The following IL7 variants were observed in gnomAD, a reference collection of about 807,000 sequenced individuals.
IL7 encodes interleukin 7, also known as interleukin-7.
In IL7, 3 loss-of-function variants were observed where a neutral mutation model predicts 21.6. That is an observed-to-expected ratio of 0.14 (90% CI 0.06 to 0.36). The LOEUF is 0.36. Among genes scored for constraint, IL7 ranks in the 10% least tolerant of loss-of-function variants. The pLI is 1.00. For synonymous variants in IL7, 62 were observed against 68.1 expected (o/e 0.91, Z 0.44); for missense variants, 175 against 200.2 (o/e 0.87, Z 0.76).
intron 3 of IL7, among the ~76,000 whole-genome samples, chr8:78,739,095 T>A (rs777356052): frequency 3.3e-4 from 50 of 152,134 alleles, no homozygotes; most frequent in South Asian, 1.9e-3. Context: ...AAAACATAAG[T>A]TTTGCAGATA....
intron 2 of IL7, among the ~76,000 whole-genome samples, chr8:78,759,223 T>TC (rs936407858): frequency 6.6e-6 from 1 of 151,424 alleles, no homozygotes; most frequent in African/African-American, 2.4e-5. Flanking sequence ...GTTCTTTTTT[T>TC]TTTTTAGCTT....
At chr8:78,788,540 T>G (rs1813585986) in intron 2 of IL7, among the ~76,000 whole-genome samples, 1 of 152,212 alleles carries the variant, frequency 6.6e-6, no homozygotes, top group Non-Finnish European at 1.5e-5. Flanking sequence ...CCACCTATTT[T>G]TCTTATTTTA....
chr8:78,722,117 T>TA (rs1419763217), intron 3 of IL7, among the ~76,000 whole-genome samples: 3 of 152,030 alleles, frequency 2.0e-5, no homozygotes, highest in African/African-American at 7.2e-5. Context: ...ATATTTTGTA[T>TA]ATTGTCAATT....
At chr8:78,802,907 A>T (rs1814129537) in intron 1 of IL7, among the ~76,000 whole-genome samples, 1 of 152,154 alleles carries the variant, frequency 6.6e-6, no homozygotes, top group East Asian at 1.9e-4. Context: ...GAACCTCACT[A>T]AGGTACTTCC....
chr8:78,677,354 TA>T (rs34753315), intron 4 of IL7, among the ~76,000 whole-genome samples: 23,945 of 148,154 alleles, frequency 0.16, 2,055 homozygotes, highest in Middle Eastern at 0.3. Context: ...GACAACTCTT[TA>T]AAAAAAAAAA....
At chr8:78,769,846 A>T (rs184986699) in intron 2 of IL7, among the ~76,000 whole-genome samples, 417 of 152,290 alleles carry the variant, frequency 2.7e-3, no homozygotes, top group Non-Finnish European at 4.3e-3. Flanking sequence ...GATATAGACC[A>T]ATGGAACAGA....
chr8:78,756,446 C>T (rs1812351963), intron 2 of IL7, among the ~76,000 whole-genome samples: 1 of 151,818 alleles, frequency 6.6e-6, no homozygotes, highest in African/African-American at 2.4e-5. Context: ...CCATCTGGTC[C>T]TGGGCTTTTC....
At chr8:78,682,731 A>C (rs2369442) in intron 4 of IL7, among the ~76,000 whole-genome samples, 104,239 of 152,014 alleles carry the variant, frequency 0.69, 36,585 homozygotes, top group East Asian at 0.91. Context: ...ACAGTCCCCC[A>C]AAGTCTTAAC....
Position 78,740,075 on chromosome 8 carries a change from A to G in IL7, c.155T>C (p.Met52Thr), listed in dbSNP as rs760588297. 17 of 1,516,686 alleles carry G rather than the reference A, an allele frequency of 1.1e-5. No homozygotes were observed. In the Admixed American group the frequency reaches 2.0e-4, roughly 18 times the overall value. 94.0% of individuals were successfully genotyped at this position (1,516,686 alleles called of 1,614,324 possible). A position where few individuals can be genotyped will look rare whatever the true frequency, so the allele number is the denominator to read the frequency against. ...CAGGCAATTGCTACCAATTTCTTTC[A>G]TGCTGTCCTGTAATAAATAACATAA... is the stretch of plus-strand genomic sequence containing the variant. ...MVSIDQLLDS[M>T]KEIGSNCLNN... Residue 52 changes from methionine (M) to threonine (T), a missense_variant, in exon 3 of 6, where the codon ATG becomes ACG. Physicochemically the swap from Met to Thr is moderately conservative, Grantham distance 81. Coordinates refer to ENST00000263851, the MANE Select transcript of IL7 (RefSeq NM_000880.4).
chr8:78,690,431 G>A (rs1420803060), intron 3 of IL7, among the ~76,000 whole-genome samples: 1 of 151,956 alleles, frequency 6.6e-6, no homozygotes, highest in Admixed American at 6.6e-5. Context: ...GTGGTGGCGG[G>A]CGCCTGTAGT....
downstream of IL7, among the ~76,000 whole-genome samples, chr8:78,728,146 A>G (rs535587666): frequency 2.0e-5 from 3 of 152,106 alleles, no homozygotes; most frequent in Non-Finnish European, 4.4e-5. Context: ...AGAGAAATAT[A>G]CCATGTTCCT....
rs753704751 is a variant in IL7, at chr8:78,675,852, C to G, written n.526G>C. ...CAAGATTTGTGGAAGAACATTCTTT[C>G]CAGTAGCATTAGTGAGTAGACTGAT... On this transcript the variant is annotated non_coding_transcript_exon_variant, in exon 5 of 5. Transcript: ENST00000523959. The G allele has an allele frequency of 3.0e-5, 48 of 1,610,790 alleles. No homozygotes were observed. The highest frequency in any genetic ancestry group is 4.1e-5 in the Non-Finnish European group (48 of 1,177,918).
At chr8:78,784,801 T>C (rs547788052) in intron 2 of IL7, among the ~76,000 whole-genome samples, 2 of 152,270 alleles carry the variant, frequency 1.3e-5, no homozygotes, top group Non-Finnish European at 2.9e-5. Flanking sequence ...GTGCTATCAA[T>C]TGACCTTTTA....
intron 1 of IL7, among the ~76,000 whole-genome samples, chr8:78,804,447 C>G (rs1170224707): frequency 6.6e-6 from 1 of 152,168 alleles, no homozygotes; most frequent in Non-Finnish European, 1.5e-5. Context: ...GGTTTAAAAG[C>G]GCGTCCCGTG....
chr8:78,788,105 CT>C (rs775969383), intron 2 of IL7, among the ~76,000 whole-genome samples: 1 of 152,090 alleles, frequency 6.6e-6, no homozygotes, highest in Non-Finnish European at 1.5e-5. Flanking sequence ...TGATGGCTCT[CT>C]TTTCACTTCT....
intron 3 of IL7, among the ~76,000 whole-genome samples, chr8:78,703,561 G>A (rs995080701): frequency 1.7e-5 from 2 of 119,276 alleles, no homozygotes; most frequent in East Asian, 2.5e-4. Context: ...TTAAATCTTT[G>A]TTGGTTTAAA....
At chr8:78,785,453 C>T (rs936755294) in intron 2 of IL7, among the ~76,000 whole-genome samples, 1 of 152,116 alleles carries the variant, frequency 6.6e-6, no homozygotes. Flanking sequence ...TTGTTGCTAA[C>T]ACTTTTGTCA....
At chr8:78,769,821 T>G (rs1165713583) in intron 2 of IL7, among the ~76,000 whole-genome samples, 1 of 152,132 alleles carries the variant, frequency 6.6e-6, no homozygotes, top group African/African-American at 2.4e-5. Flanking sequence ...AACATGATAC[T>G]GGTACCAAAA....
chr8:78,800,455 C>A (rs1814016660), intron 1 of IL7, among the ~76,000 whole-genome samples: 1 of 152,104 alleles, frequency 6.6e-6, no homozygotes, highest in Non-Finnish European at 1.5e-5. Flanking sequence ...CCCCACCATG[C>A]CCAGCTAATT....
Sources: gnomAD v4.1 joint callset for allele counts (sites outside exome capture counted in the v4.1 genomes callset) on GRCh38, gnomAD v4.1.1 for gene constraint, MANE v1.5 for transcripts, NCBI Gene and HGNC (gene_info 2026-07-23, HGNC 2026-07-21) for gene names.